The following CSPP1 variants were observed in gnomAD, a reference collection of about 807,000 sequenced individuals.
The protein encoded by CSPP1 is centrosome and spindle pole-associated protein 1.
Under a neutral mutation model 164.4 loss-of-function variants are expected in CSPP1, and 126 were observed. The ratio of observed to expected loss-of-function variants is 0.77; its 90% CI spans 0.66 to 0.89. CSPP1 has a LOEUF of 0.89. Among genes scored for constraint, CSPP1 ranks in the 40% least tolerant of loss-of-function variants. The pLI, the probability that CSPP1 is intolerant of heterozygous loss-of-function variation, is 0.00. For synonymous variants in CSPP1, 472 were observed against 476.7 expected (o/e 0.99, Z 0.13); for missense variants, 1,395 against 1,449.8 (o/e 0.96, Z 0.61).
chr8:67,093,391 A>G, intron 5 of CSPP1, 152 bp from the exon 6 acceptor site: 1 of 550,324 alleles, frequency 1.8e-6, no homozygotes, highest in Non-Finnish European at 3.2e-6. Context: ...CATGCCTTTC[A>G]GTGACATCTG....
intron 8 of CSPP1, among the ~76,000 whole-genome samples, chr8:67,103,967 C>T (rs942282629): frequency 6.6e-6 from 1 of 151,552 alleles, no homozygotes; most frequent in Non-Finnish European, 1.5e-5. Context: ...AATTAGTGCT[C>T]ATATATTTCT....
chr8:67,086,832 C>T (rs1208313390), intron 4 of CSPP1: 21 of 1,360,090 alleles, frequency 1.5e-5, no homozygotes, highest in Non-Finnish European at 2.0e-5. Context: ...GGGCATTACA[C>T]AAGGGAAAAG....
chr8:67,159,854 TTC>T (rs1374591877), intron 21 of CSPP1, among the ~76,000 whole-genome samples: 1 of 19,760 alleles, frequency 5.1e-5, no homozygotes, highest in Non-Finnish European at 8.6e-5. Flanking sequence ...TTCTTTCTTT[TTC>T]TTTCTTTCTT....
chr8:67,109,629 C>T (rs189729333), intron 9 of CSPP1, among the ~76,000 whole-genome samples: 158 of 152,226 alleles, frequency 1.0e-3, no homozygotes, highest in African/African-American at 3.4e-3. Context: ...CTACCATTGT[C>T]GCATTTCTCT....
chr8:67,111,546 G>A (rs1342589776), intron 9 of CSPP1, among the ~76,000 whole-genome samples: 1 of 152,196 alleles, frequency 6.6e-6, no homozygotes, highest in Non-Finnish European at 1.5e-5. Context: ...CCAAGTTATA[G>A]TGAGATTTTG....
In CSPP1 at chr8:67,185,062, A is replaced by G. The variant is rs1343709399; in HGVS notation, c.3220+5136A>G. Reference sequence around the variant, plus strand: ...GGAGCTTGCAGTGAGCTGAGATCGCACCACTGCACTCCAGCCTGGGCGACA... The same window carrying G: ...GGAGCTTGCAGTGAGCTGAGATCGCGCCACTGCACTCCAGCCTGGGCGACA... On this transcript the variant is annotated intron_variant, in intron 28 of 30. Transcript: ENST00000678616. Among the ~76,000 whole-genome samples the G allele has an allele frequency of 3.4e-5, 5 of 148,540 alleles. No individual in the cohort carries two copies. In the East Asian group the frequency reaches 9.9e-4, roughly 29 times the overall value.
intron 29 of CSPP1, among the ~76,000 whole-genome samples, chr8:67,192,310 G>A (rs183865332): frequency 9.6e-4 from 146 of 152,036 alleles, no homozygotes; most frequent in African/African-American, 3.4e-3. Context: ...CCTAACCTCG[G>A]GTGATCCACC....
At chr8:67,165,485 C>T (rs937125366) in intron 24 of CSPP1, among the ~76,000 whole-genome samples, 3 of 152,220 alleles carry the variant, frequency 2.0e-5, no homozygotes, top group African/African-American at 7.2e-5. Context: ...GGGCCCCATA[C>T]AAGATGTACC....
At chr8:67,171,119 G>A (rs1441435757) in intron 24 of CSPP1, among the ~76,000 whole-genome samples, 1 of 148,876 alleles carries the variant, frequency 6.7e-6, no homozygotes, top group Non-Finnish European at 1.5e-5. Flanking sequence ...ACGGGGGGCC[G>A]GGTGCAGTGG....
intron 15 of CSPP1, among the ~76,000 whole-genome samples, chr8:67,121,551 A>G (rs1396007637): frequency 6.6e-6 from 1 of 152,100 alleles, no homozygotes; most frequent in Non-Finnish European, 1.5e-5. Context: ...TCATTTTAAT[A>G]TGCTGCTGGA....
intron 21 of CSPP1, among the ~76,000 whole-genome samples, chr8:67,159,509 CTTTTTTTTTT>C (rs1172369424): frequency 3.1e-4 from 15 of 48,912 alleles, no homozygotes; most frequent in East Asian, 2.7e-3. Flanking sequence ...TATATGTATT[CTTTTTTTTTT>C]TTTTTTTTTT....
intron 29 of CSPP1, among the ~76,000 whole-genome samples, chr8:67,192,820 A>G (rs961616766): frequency 2.6e-5 from 4 of 152,118 alleles, no homozygotes; most frequent in Admixed American, 2.6e-4. Context: ...ATTTATTTCT[A>G]TATTCTTCTT....
At position 67,190,691 on chromosome 8, in the gene CSPP1, C is replaced by T. The variant is rs1031012342; in HGVS notation, c.3262C>T (p.Leu1088Phe). 1 of 1,613,954 alleles carries T rather than the reference C, an allele frequency of 6.2e-7. No individual in the cohort carries two copies. Among genetic ancestry groups the T allele is most frequent in the African/African-American group, 1.3e-5 (1 of 74,892 alleles). ...ATATCCTGCCATTGAAGATGACGTCCTCCCTCCACCATCACAGTTGCCCTC... is the reference window on the plus strand; with the variant it reads ...ATATCCTGCCATTGAAGATGACGTCTTCCCTCCACCATCACAGTTGCCCTC... ...ETYPAIEDDV[L>F]PPPSQLPSAR... is the part of the protein sequence containing the mutation. The change falls in exon 29 of 31, where the codon CTC becomes TTC. Residue 1088 changes from leucine to phenylalanine, a missense_variant. Leu to Phe is a conservative substitution (Grantham distance 22, BLOSUM62 0). Coordinates refer to ENST00000678616, the MANE Select transcript of CSPP1 (RefSeq NM_001382391.1).
intron 1 of CSPP1, among the ~76,000 whole-genome samples, chr8:67,067,678 T>C (rs951678431): frequency 5.3e-5 from 8 of 151,792 alleles, no homozygotes; most frequent in Non-Finnish European, 1.2e-4. Flanking sequence ...TTAGCCAGGA[T>C]GGTCTTGATC....
chr8:67,189,350 C>T (rs1013487185), intron 28 of CSPP1, among the ~76,000 whole-genome samples: 1 of 152,268 alleles, frequency 6.6e-6, no homozygotes, highest in South Asian at 2.1e-4. Flanking sequence ...ATTGCTAAAA[C>T]TTGGAAGCAG....
intron 1 of CSPP1, chr8:67,065,506 T>C: frequency 1.0e-6 from 1 of 978,752 alleles, no homozygotes; most frequent in Non-Finnish European, 1.2e-6. Flanking sequence ...GAATGACTTG[T>C]AATGTTGACA....
intron 5 of CSPP1, among the ~76,000 whole-genome samples, chr8:67,093,239 G>A (rs972037244): frequency 1.3e-5 from 2 of 152,194 alleles, no homozygotes; most frequent in African/African-American, 4.8e-5. Flanking sequence ...GTAAAATGGA[G>A]ATGTTTCATG....
intron 24 of CSPP1, among the ~76,000 whole-genome samples, chr8:67,166,336 A>G (rs1829302800): frequency 6.6e-6 from 1 of 152,266 alleles, no homozygotes; most frequent in African/African-American, 2.4e-5. Flanking sequence ...AGTCATAAAT[A>G]TAAACATATC....
At chr8:67,092,602 C>T (rs895447738) in intron 5 of CSPP1, among the ~76,000 whole-genome samples, 7 of 152,056 alleles carry the variant, frequency 4.6e-5, no homozygotes, top group Admixed American at 2.6e-4. Flanking sequence ...TGCCACCAAG[C>T]CCCGCTAATT....
Sources: gnomAD v4.1 joint callset for allele counts (sites outside exome capture counted in the v4.1 genomes callset) on GRCh38, gnomAD v4.1.1 for gene constraint, MANE v1.5 for transcripts, NCBI Gene and HGNC (gene_info 2026-07-23, HGNC 2026-07-21) for gene names.